Variants in IGF2BP3 observed in about 807,000 individuals in gnomAD.
IGF2BP3 encodes the protein insulin like growth factor 2 mRNA binding protein 3.
IGF2BP3 carries 9 observed loss-of-function variants against 73.8 expected under a neutral mutation model. The observed-to-expected ratio is 0.12, with a 90% CI of 0.07 to 0.21. IGF2BP3 has a LOEUF of 0.21. Ranked by LOEUF, IGF2BP3 falls within the 10% of genes least tolerant of loss-of-function variation. IGF2BP3 has a pLI of 1.00. For synonymous variants in IGF2BP3, 258 were observed against 256.7 expected (o/e 1.01, Z -0.05); for missense variants, 542 against 714.0 (o/e 0.76, Z 2.75).
rs531180420 is a variant in IGF2BP3 at position 23,454,435 on chromosome 7, G to A, written c.236+14047C>T. ...ATGAAACATAAACCATAAACCACGGGGTCATACGGGAATAGGCACACCCAT... is the reference window on the plus strand; with the variant it reads ...ATGAAACATAAACCATAAACCACGGAGTCATACGGGAATAGGCACACCCAT... On this transcript the variant is annotated intron_variant, in intron 2 of 14. Coordinates refer to ENST00000258729, the MANE Select transcript of IGF2BP3 (RefSeq NM_006547.3). Among the ~76,000 whole-genome samples, 3 of 152,110 alleles carry A rather than the reference G, an allele frequency of 2.0e-5. No homozygotes were observed. In the South Asian group the frequency reaches 6.2e-4, roughly 32 times the overall value.
chr7:23,406,196 C>G (rs998156410), intron 3 of IGF2BP3, among the ~76,000 whole-genome samples: 1 of 152,102 alleles, frequency 6.6e-6, no homozygotes, highest in African/African-American at 2.4e-5. Flanking sequence ...ATGGATTGAA[C>G]CTGTTTGCTT....
At chr7:23,404,746 A>AAT (rs1562731158) in intron 3 of IGF2BP3, among the ~76,000 whole-genome samples, 1 of 149,126 alleles carries the variant, frequency 6.7e-6, no homozygotes, top group Admixed American at 6.7e-5. Context: ...AGGAAATCAA[A>AAT]ATACGGCAAG....
At chr7:23,339,224 T>C (rs192820819) in intron 10 of IGF2BP3, among the ~76,000 whole-genome samples, 7 of 152,360 alleles carry the variant, frequency 4.6e-5, no homozygotes, top group Non-Finnish European at 8.8e-5. Context: ...TCCTTACATT[T>C]ACTCTTGGCT....
intron 10 of IGF2BP3, among the ~76,000 whole-genome samples, chr7:23,328,715 T>C (rs527515962): frequency 6.6e-6 from 1 of 152,280 alleles, no homozygotes; most frequent in South Asian, 2.1e-4. Flanking sequence ...CACAAAAACT[T>C]ATACATGACC....
chr7:23,443,575 G>T (rs1156594219), intron 2 of IGF2BP3, among the ~76,000 whole-genome samples: 1 of 152,092 alleles, frequency 6.6e-6, no homozygotes. Flanking sequence ...GGAGGCTGAG[G>T]CAGGGGAATC....
chr7:23,453,139 C>T (rs1562761551), intron 2 of IGF2BP3, among the ~76,000 whole-genome samples: 1 of 152,160 alleles, frequency 6.6e-6, no homozygotes, highest in East Asian at 1.9e-4. Flanking sequence ...AACAAACAAA[C>T]AAACAAAATA....
chr7:23,449,649 C>T (rs1404875541), intron 2 of IGF2BP3, among the ~76,000 whole-genome samples: 1 of 150,866 alleles, frequency 6.6e-6, no homozygotes, highest in African/African-American at 2.4e-5. Flanking sequence ...CCTCCGCCTC[C>T]CAGGCTGAAG....
intron 2 of IGF2BP3, among the ~76,000 whole-genome samples, chr7:23,421,283 T>G (rs1417109566): frequency 6.6e-6 from 1 of 152,196 alleles, no homozygotes; most frequent in East Asian, 1.9e-4. Flanking sequence ...GTGCTGGGAT[T>G]ACAGGCATGA....
chr7:23,468,338 A>G, intron 2 of IGF2BP3, 144 bp downstream of exon 2: 1 of 824,628 alleles, frequency 1.2e-6, no homozygotes, highest in Non-Finnish European at 2.1e-6. Context: ...CCCCCGCCAT[A>G]AACTTAAAAG....
At chr7:23,367,953 T>C (rs1348270116) in intron 3 of IGF2BP3, among the ~76,000 whole-genome samples, 2 of 152,002 alleles carry the variant, frequency 1.3e-5, no homozygotes, top group East Asian at 3.8e-4. Flanking sequence ...TGAGCTGAGA[T>C]TGCACCACTG....
rs544052771 is a variant in IGF2BP3 at position 23,459,622 on chromosome 7, G to A, written c.236+8860C>T. On this transcript the variant is annotated intron_variant, in intron 2 of 14. Coordinates refer to ENST00000258729, the MANE Select transcript of IGF2BP3 (RefSeq NM_006547.3). ...CCGAGGTGGGCAAATCACAAGGTCA[G>A]GAGTTCGAGACCAGCCTGGCCAACA... 7.0e-4 allele frequency among the ~76,000 whole-genome samples: 106 copies of A among 151,648 alleles called. 1 individual carries two copies. Among genetic ancestry groups the A allele is most frequent in the African/African-American group, 2.0e-3 (82 of 41,386 alleles).
At chr7:23,354,121 G>A (rs547885613) in intron 5 of IGF2BP3, among the ~76,000 whole-genome samples, 1 of 152,326 alleles carries the variant, frequency 6.6e-6, no homozygotes, top group African/African-American at 2.4e-5. Context: ...GGCCTCCTGA[G>A]TAGCTGGGAT....
At chr7:23,341,854 G>A (rs564572419) in intron 10 of IGF2BP3, among the ~76,000 whole-genome samples, 1 of 152,072 alleles carries the variant, frequency 6.6e-6, no homozygotes, top group Non-Finnish European at 1.5e-5. Flanking sequence ...CCAAACTTTT[G>A]TTGTGATATT....
At chr7:23,429,751 C>T (rs1787619596) in intron 2 of IGF2BP3, among the ~76,000 whole-genome samples, 1 of 152,176 alleles carries the variant, frequency 6.6e-6, no homozygotes, top group Non-Finnish European at 1.5e-5. Context: ...CACAACTACT[C>T]AGTTGTCTCA....
At chr7:23,442,611 T>C (rs1787962889) in intron 2 of IGF2BP3, among the ~76,000 whole-genome samples, 1 of 152,108 alleles carries the variant, frequency 6.6e-6, no homozygotes, top group African/African-American at 2.4e-5. Flanking sequence ...TTGGTCAGGC[T>C]GGTCTCGAAC....
At chr7:23,427,318 T>G (rs186702508) in intron 2 of IGF2BP3, among the ~76,000 whole-genome samples, 1 of 152,164 alleles carries the variant, frequency 6.6e-6, no homozygotes, top group East Asian at 1.9e-4. Flanking sequence ...CGTTTCCCTA[T>G]AGGAAACTCA....
At chr7:23,460,166 G>C (rs187235891) in intron 2 of IGF2BP3, among the ~76,000 whole-genome samples, 53 of 112,386 alleles carry the variant, frequency 4.7e-4, no homozygotes, top group African/African-American at 1.1e-3. Flanking sequence ...GCAACCGTGC[G>C]AGACCCTGCC....
chr7:23,366,156 T>A (rs1245142169), intron 3 of IGF2BP3, among the ~76,000 whole-genome samples: 2 of 151,908 alleles, frequency 1.3e-5, no homozygotes, highest in African/African-American at 2.4e-5. Context: ...TTTTTTTTTT[T>A]AGACAGAGTC....
At chr7:23,432,884 G>C (rs899277314) in intron 2 of IGF2BP3, among the ~76,000 whole-genome samples, 1 of 152,080 alleles carries the variant, frequency 6.6e-6, no homozygotes, top group Non-Finnish European at 1.5e-5. Context: ...CACTTGCCTC[G>C]GCCTACCAAA....
Sources: allele counts gnomAD v4.1 joint callset (sites outside exome capture counted in the v4.1 genomes callset), GRCh38; gene constraint gnomAD v4.1.1; transcripts MANE v1.5; gene names NCBI Gene and HGNC (gene_info 2026-07-23, HGNC 2026-07-21).